Variants in DPYD observed in about 807,000 individuals in gnomAD.
DPYD encodes dihydropyrimidine dehydrogenase.
DPYD carries 109 observed loss-of-function variants against 116.2 expected under a neutral mutation model. The observed-to-expected ratio is 0.94, with a 90% CI of 0.80 to 1.10. The LOEUF is 1.10. Among genes scored for constraint, DPYD ranks in the 50% least tolerant of loss-of-function variants. The pLI, the probability that DPYD is intolerant of heterozygous loss-of-function variation, is 0.00. For missense variants in DPYD, 1,302 were observed against 1,254.5 expected (o/e 1.04, Z -0.57); for synonymous variants, 440 against 432.0 (o/e 1.02, Z -0.23).
Position 97,573,706 on chromosome 1 carries a change from C to T in DPYD, c.1339+54G>A, listed in dbSNP as rs1022067161. On this transcript the variant is annotated intron_variant, in intron 11 of 22. Coordinates refer to ENST00000370192, the MANE Select transcript of DPYD (RefSeq NM_000110.4). ...ATTCCCTGAAAGCTAGAAACTATTACAGCACTAAAATAACAGACAATTGCA... is the reference window on the plus strand; with the variant it reads ...ATTCCCTGAAAGCTAGAAACTATTATAGCACTAAAATAACAGACAATTGCA... 3.1e-6 allele frequency: 5 copies of T among 1,600,170 alleles called. No homozygotes were observed. The African/African-American group carries it at 6.7e-5, about 21-fold the overall frequency.
chr1:97,596,580 T>C (rs1484556490), intron 8 of DPYD, among the ~76,000 whole-genome samples: 1 of 152,188 alleles, frequency 6.6e-6, no homozygotes, highest in Non-Finnish European at 1.5e-5. Flanking sequence ...ATTCTACCAA[T>C]GGGTCATTCT....
chr1:97,257,804 T>TA (rs1663601904), intron 18 of DPYD, among the ~76,000 whole-genome samples: 1 of 152,018 alleles, frequency 6.6e-6, no homozygotes, highest in Non-Finnish European at 1.5e-5. Context: ...AAATAGGAGT[T>TA]AGACATTATC....
chr1:97,166,636 ACTTTT>A (rs1168869688), intron 20 of DPYD, among the ~76,000 whole-genome samples: 1 of 152,180 alleles, frequency 6.6e-6, no homozygotes, highest in Non-Finnish European at 1.5e-5. Context: ...GGAAAAATTA[ACTTTT>A]CTTTTAAGAT....
At chr1:97,299,293 C>G (rs1666726138) in intron 18 of DPYD, among the ~76,000 whole-genome samples, 1 of 152,046 alleles carries the variant, frequency 6.6e-6, no homozygotes, top group African/African-American at 2.4e-5. Flanking sequence ...AAAACACACA[C>G]AGAGGAAAGA....
intron 16 of DPYD, among the ~76,000 whole-genome samples, chr1:97,324,960 C>T (rs186963037): frequency 1.3e-5 from 2 of 152,062 alleles, no homozygotes; most frequent in Admixed American, 6.6e-5. Context: ...GCATGATTAC[C>T]AATTCGACAA....
At chr1:97,478,568 G>A (rs1382920123) in intron 13 of DPYD, among the ~76,000 whole-genome samples, 1 of 152,194 alleles carries the variant, frequency 6.6e-6, no homozygotes, top group South Asian at 2.1e-4. Flanking sequence ...TTACAGGCAT[G>A]AGCCACCACG....
intron 3 of DPYD, among the ~76,000 whole-genome samples, chr1:97,788,118 G>T (rs576397774): frequency 6.6e-6 from 1 of 152,272 alleles, no homozygotes; most frequent in African/African-American, 2.4e-5. Flanking sequence ...AATCCATGAG[G>T]TATGTGCAGG....
At chr1:97,867,091 A>C (rs754101142) in intron 2 of DPYD, among the ~76,000 whole-genome samples, 15 of 151,880 alleles carry the variant, frequency 9.9e-5, no homozygotes, top group Non-Finnish European at 1.8e-4. Context: ...CAGAGACATC[A>C]GATAGGAGAA....
At chr1:97,117,824 G>T (rs1391244172) in intron 20 of DPYD, among the ~76,000 whole-genome samples, 1 of 152,130 alleles carries the variant, frequency 6.6e-6, no homozygotes, top group Non-Finnish European at 1.5e-5. Context: ...CTAGTCAGAT[G>T]TGAAATCACT....
At chr1:97,386,930 C>G (rs1262976010) in intron 14 of DPYD, among the ~76,000 whole-genome samples, 1 of 151,646 alleles carries the variant, frequency 6.6e-6, no homozygotes, top group East Asian at 1.9e-4. Flanking sequence ...TGCTGTACTC[C>G]GTTTTTAATC....
chr1:97,602,638 A>AAAATT (rs1655330427), intron 8 of DPYD, among the ~76,000 whole-genome samples: 2 of 152,074 alleles, frequency 1.3e-5, no homozygotes, highest in South Asian at 4.1e-4. Context: ...TTTGTTTAAC[A>AAAATT]AAATTATGGC....
At chr1:97,448,010 G>T (rs1313098859) in intron 14 of DPYD, among the ~76,000 whole-genome samples, 1 of 152,070 alleles carries the variant, frequency 6.6e-6, no homozygotes, top group Non-Finnish European at 1.5e-5. Context: ...GACTGCTTGA[G>T]TTCAGGAGTT....
intron 18 of DPYD, among the ~76,000 whole-genome samples, chr1:97,272,270 C>A (rs1664632164): frequency 6.6e-6 from 1 of 152,120 alleles, no homozygotes; most frequent in African/African-American, 2.4e-5. Flanking sequence ...TCAGAATGGG[C>A]TACATTTAGC....
chr1:97,416,861 C>A (rs1674317201), intron 14 of DPYD, among the ~76,000 whole-genome samples: 1 of 152,030 alleles, frequency 6.6e-6, no homozygotes, highest in African/African-American at 2.4e-5. Flanking sequence ...TCATGTGCAG[C>A]CTTAAGGATT....
intron 12 of DPYD, among the ~76,000 whole-genome samples, chr1:97,536,007 A>G (rs1649965490): frequency 6.6e-6 from 1 of 152,234 alleles, no homozygotes; most frequent in Non-Finnish European, 1.5e-5. Flanking sequence ...GGTTTAATGT[A>G]TGTTTATTTA....
chr1:97,084,945 T>C (rs1649411523), intron 21 of DPYD, among the ~76,000 whole-genome samples: 1 of 152,198 alleles, frequency 6.6e-6, no homozygotes, highest in African/African-American at 2.4e-5. Flanking sequence ...TATATATCTA[T>C]ACACTAAACC....
intron 18 of DPYD, 110 bp from the exon 19 acceptor site, chr1:97,235,104 A>T (rs541810653): frequency 7.7e-7 from 1 of 1,292,208 alleles, no homozygotes; most frequent in African/African-American, 1.4e-5. Flanking sequence ...ACAAATTTCA[A>T]ATTACTTTAT....
At chr1:97,518,687 A>G (rs772079588) in intron 12 of DPYD, among the ~76,000 whole-genome samples, 142 of 152,192 alleles carry the variant, frequency 9.3e-4, no homozygotes, top group Non-Finnish European at 1.8e-3. Context: ...AGAAAATACT[A>G]TTTTTCCATT....
chr1:97,916,068 T>C (rs1481375450), intron 1 of DPYD, among the ~76,000 whole-genome samples: 1 of 152,178 alleles, frequency 6.6e-6, no homozygotes, highest in Non-Finnish European at 1.5e-5. Context: ...TTTGGTAAGA[T>C]GCTGTATTCA....
Sources: allele counts gnomAD v4.1 joint callset (sites outside exome capture counted in the v4.1 genomes callset), GRCh38; gene constraint gnomAD v4.1.1; transcripts MANE v1.5; gene names NCBI Gene and HGNC (gene_info 2026-07-23, HGNC 2026-07-21).